The following TPST1 variants were observed in gnomAD, a reference collection of about 807,000 sequenced individuals.
The protein encoded by TPST1 is tyrosylprotein sulfotransferase 1, also known as protein-tyrosine sulfotransferase 1.
Under a neutral mutation model 34.8 loss-of-function variants are expected in TPST1, and 20 were observed. That is an observed-to-expected ratio of 0.57 (90% CI 0.40 to 0.84). TPST1 has a LOEUF of 0.84. Ranked by LOEUF, TPST1 falls within the 40% of genes least tolerant of loss-of-function variation. TPST1 has a pLI of 0.00. For missense variants in TPST1, 353 were observed against 455.5 expected (o/e 0.78, Z 2.05); for synonymous variants, 152 against 159.4 (o/e 0.95, Z 0.35).
intron 3 of TPST1, among the ~76,000 whole-genome samples, chr7:66,314,252 T>C (rs1791589686): frequency 6.6e-6 from 1 of 152,204 alleles, no homozygotes; most frequent in Non-Finnish European, 1.5e-5. Context: ...AAACAATCAG[T>C]GGTCGGGCAC....
At chr7:66,349,121 T>C (rs1792416927) in intron 3 of TPST1, among the ~76,000 whole-genome samples, 1 of 152,206 alleles carries the variant, frequency 6.6e-6, no homozygotes, top group African/African-American at 2.4e-5. Flanking sequence ...GAGTGTGGTT[T>C]AATGGAAGAG....
At chr7:66,210,545 A>G (rs1165828047) in intron 1 of TPST1, among the ~76,000 whole-genome samples, 2 of 152,242 alleles carry the variant, frequency 1.3e-5, no homozygotes, top group Non-Finnish European at 2.9e-5. Context: ...GTGCAGGGCC[A>G]GACCTTGTTA....
At chr7:66,259,061 G>A (rs1416334481) in intron 2 of TPST1, among the ~76,000 whole-genome samples, 2 of 152,078 alleles carry the variant, frequency 1.3e-5, no homozygotes, top group Non-Finnish European at 2.9e-5. Flanking sequence ...GTCAATAATT[G>A]TCAGGCCTTT....
intron 2 of TPST1, among the ~76,000 whole-genome samples, chr7:66,276,847 GTTTTC>G (rs1253076014): frequency 2.0e-5 from 3 of 151,564 alleles, no homozygotes; most frequent in Admixed American, 1.3e-4. Context: ...CTTCTTCTCT[GTTTTC>G]TTTTAACAAC....
upstream of TPST1, among the ~76,000 whole-genome samples, chr7:66,201,535 A>G (rs1338515693): frequency 6.6e-6 from 1 of 152,130 alleles, no homozygotes; most frequent in African/African-American, 2.4e-5. Context: ...TACTAAAAAT[A>G]CAAAAATTAG....
At chr7:66,283,775 A>G (rs10256705) in intron 2 of TPST1, among the ~76,000 whole-genome samples, 5,999 of 152,186 alleles carry the variant, frequency 0.039, 390 homozygotes, top group African/African-American at 0.14. Context: ...CATGAAAAGA[A>G]TGGCCTACTT....
chr7:66,324,186 G>A (rs914706628), intron 3 of TPST1, among the ~76,000 whole-genome samples: 2 of 152,184 alleles, frequency 1.3e-5, no homozygotes, highest in African/African-American at 4.8e-5. Flanking sequence ...GACTTATGGG[G>A]TACATAGAAT....
chr7:66,247,367 C>T (rs924639252), intron 2 of TPST1, among the ~76,000 whole-genome samples: 4 of 152,046 alleles, frequency 2.6e-5, no homozygotes, highest in African/African-American at 4.8e-5. Context: ...GGTGGAGGTT[C>T]CAGTGAGCTG....
intron 3 of TPST1, among the ~76,000 whole-genome samples, chr7:66,301,687 C>T (rs1386081966): frequency 1.3e-5 from 2 of 152,118 alleles, no homozygotes; most frequent in African/African-American, 2.4e-5. Flanking sequence ...AACAAACAGC[C>T]AGTTGGTGTA....
intron 3 of TPST1, among the ~76,000 whole-genome samples, chr7:66,343,065 G>A (rs1352691332): frequency 6.6e-6 from 1 of 152,016 alleles, no homozygotes; most frequent in African/African-American, 2.4e-5. Context: ...AAAAGACTGA[G>A]AACTAATTAT....
intron 3 of TPST1, among the ~76,000 whole-genome samples, chr7:66,304,972 TA>T (rs1163715136): frequency 6.6e-6 from 1 of 152,086 alleles, no homozygotes; most frequent in African/African-American, 2.4e-5. Flanking sequence ...CACACCTAGC[TA>T]AATTTTTTTT....
At chr7:66,296,728 T>C (rs778003913) in intron 3 of TPST1, among the ~76,000 whole-genome samples, 1 of 142,912 alleles carries the variant, frequency 7.0e-6, no homozygotes, top group Non-Finnish European at 1.5e-5. Context: ...GCAAGTAATA[T>C]TGAGTCAGCA....
intron 1 of TPST1, among the ~76,000 whole-genome samples, chr7:66,225,113 C>T (rs748777388): frequency 1.3e-5 from 2 of 150,552 alleles, no homozygotes; most frequent in South Asian, 2.1e-4. Context: ...GACGGGGTTT[C>T]GCCATGTTGG....
chr7:66,358,608 G>A (rs1001600997), intron 5 of TPST1, among the ~76,000 whole-genome samples: 1 of 152,276 alleles, frequency 6.6e-6, no homozygotes, highest in East Asian at 1.9e-4. Context: ...GCACATGGAC[G>A]CTGGTCCGTC....
intron 3 of TPST1, among the ~76,000 whole-genome samples, chr7:66,312,118 A>G (rs1487446289): frequency 6.6e-6 from 1 of 152,250 alleles, no homozygotes; most frequent in Non-Finnish European, 1.5e-5. Context: ...CATGCCATTC[A>G]GAATTTCGTA....
intron 3 of TPST1, among the ~76,000 whole-genome samples, chr7:66,328,287 A>C (rs556329945): frequency 6.6e-6 from 1 of 151,796 alleles, no homozygotes; most frequent in South Asian, 2.1e-4. Flanking sequence ...CCAGCCTCCC[A>C]AAGTGCTGGG....
chr7:66,286,656 A>C lies in TPST1; in HGVS notation c.991A>C (p.Asn331His). 6.3e-7 allele frequency: 1 copy of C among 1,598,456 alleles called. No homozygotes were observed. Among genetic ancestry groups the C allele is most frequent in the Non-Finnish European group, 8.5e-7 (1 of 1,171,364 alleles). The stretch of plus-strand genomic sequence containing the variant: ...CAAGCTTGGATATGACCCATATGCC[A>C]ACCCACCTAACTACGGAAAACCTGA... ...LAKLGYDPYA[N>H]PPNYGKPDPK... Residue 331 changes from asparagine (N) to histidine (H), a missense_variant, in exon 3 of 6, where the codon AAC becomes CAC. Asn to His is a moderately conservative substitution (Grantham distance 68, BLOSUM62 1). Transcript: ENST00000304842.
chr7:66,352,643 G>C (rs1792505496), intron 4 of TPST1, 88 bp downstream of exon 4: 1 of 1,565,632 alleles, frequency 6.4e-7, no homozygotes, highest in Non-Finnish European at 8.6e-7. Context: ...AAATTAAAAA[G>C]ACAGAAACAA....
intron 1 of TPST1, among the ~76,000 whole-genome samples, chr7:66,230,144 C>T (rs771303873): frequency 1.3e-5 from 2 of 152,148 alleles, no homozygotes; most frequent in Admixed American, 6.5e-5. Flanking sequence ...GCTGAGATTA[C>T]GCCCCTGCAC....
Sources: allele counts gnomAD v4.1 joint callset (sites outside exome capture counted in the v4.1 genomes callset), GRCh38; gene constraint gnomAD v4.1.1; transcripts MANE v1.5; gene names NCBI Gene and HGNC (gene_info 2026-07-23, HGNC 2026-07-21).